The following PRKN variants were observed in gnomAD, a reference collection of about 807,000 sequenced individuals.
PRKN encodes parkin RBR E3 ubiquitin protein ligase.
PRKN carries 56 observed loss-of-function variants against 59.5 expected under a neutral mutation model. That is an observed-to-expected ratio of 0.94 (90% confidence interval 0.76 to 1.18). PRKN has a LOEUF of 1.18. Ranked by LOEUF, PRKN falls within the 50% of genes most tolerant of loss-of-function variation. The pLI, the probability that PRKN is intolerant of heterozygous loss-of-function variation, is 0.00. For missense variants in PRKN, 657 were observed against 596.4 expected, an observed-to-expected ratio of 1.10 and a Z score of -1.06; for synonymous variants, 250 against 222.1, an observed-to-expected ratio of 1.13 and a Z score of -1.12.
intron 7 of PRKN, among the ~76,000 whole-genome samples, chr6:161,693,831 T>C (rs1785905923): frequency 6.6e-6 from 1 of 152,192 alleles, no homozygotes; most frequent in South Asian, 2.1e-4. Context: ...TGGATAAATA[T>C]TAGTCTAATG....
intron 1 of PRKN, among the ~76,000 whole-genome samples, chr6:162,685,200 C>G (rs897215460): frequency 6.6e-6 from 1 of 152,062 alleles, no homozygotes; most frequent in Non-Finnish European, 1.5e-5. Context: ...AATTATGCCA[C>G]GAAGCATGTT....
chr6:162,075,433 C>A (rs111714198), intron 4 of PRKN, among the ~76,000 whole-genome samples: 28 of 151,632 alleles, frequency 1.8e-4, no homozygotes, highest in African/African-American at 5.6e-4. Context: ...AGTACTCTAA[C>A]TCCCCACATA....
At chr6:162,632,726 G>C (rs1777546329) in intron 1 of PRKN, among the ~76,000 whole-genome samples, 1 of 151,984 alleles carries the variant, frequency 6.6e-6, no homozygotes. Flanking sequence ...AACAGAAGTA[G>C]GTAGAAAAGA....
chr6:161,455,148 C>T (rs531557706), intron 9 of PRKN, among the ~76,000 whole-genome samples: 27 of 151,724 alleles, frequency 1.8e-4, no homozygotes, highest in Non-Finnish European at 3.8e-4. Flanking sequence ...AAGCAATGCT[C>T]CTGCCTCAGC....
At chr6:161,798,072 G>A (rs1474012127) in intron 6 of PRKN, among the ~76,000 whole-genome samples, 9 of 152,128 alleles carry the variant, frequency 5.9e-5, no homozygotes, top group African/African-American at 7.2e-5. Context: ...GTGGTGGCAC[G>A]CACCTGTAGT....
Position 161,801,112 on chromosome 6 carries a change from G to A in PRKN, c.735-15204C>T, listed in dbSNP as rs376890983. 2.3e-3 allele frequency among the ~76,000 whole-genome samples: 350 copies of A among 152,236 alleles called. 8 individuals are homozygous for A. The South Asian group carries it at 0.038, about 17-fold the overall frequency. On this transcript the variant is annotated intron_variant, in intron 6 of 11. Coordinates refer to ENST00000366898, the MANE Select transcript of PRKN (RefSeq NM_004562.3). ...ACGGGAGGAAACGGAGGCCTAGGGC[G>A]CTATCAAACACCCACTGTCCACAGC...
chr6:162,079,508 A>G (rs1430070800), intron 4 of PRKN, among the ~76,000 whole-genome samples: 1 of 152,070 alleles, frequency 6.6e-6, no homozygotes, highest in Non-Finnish European at 1.5e-5. Context: ...GTTCTCTCAA[A>G]TGTATTCACA....
chr6:162,303,033 T>A (rs1782038050), intron 2 of PRKN, among the ~76,000 whole-genome samples: 1 of 150,004 alleles, frequency 6.7e-6, no homozygotes, highest in South Asian at 2.1e-4. Flanking sequence ...AGCAGTTACG[T>A]GACTTTTGGA....
intron 6 of PRKN, among the ~76,000 whole-genome samples, chr6:161,926,117 C>T (rs553493315): frequency 8.7e-4 from 133 of 152,188 alleles, no homozygotes; most frequent in African/African-American, 3.0e-3. Flanking sequence ...TTGAAAGTTA[C>T]GGAGAGTCTA....
chr6:162,443,501 A>G, intron 1 of PRKN, 28 bp from the exon 2 acceptor site: 2 of 1,611,006 alleles, frequency 1.2e-6, no homozygotes, highest in Non-Finnish European at 1.7e-6. Context: ...AAGGGAGAAG[A>G]GAAAGTGAGC....
chr6:161,651,607 C>G (rs1054184499), intron 7 of PRKN, among the ~76,000 whole-genome samples: 1 of 152,180 alleles, frequency 6.6e-6, no homozygotes, highest in African/African-American at 2.4e-5. Context: ...GCCTAACCCA[C>G]CGCCCTATCC....
chr6:161,984,104 G>C (rs78306103), intron 5 of PRKN, among the ~76,000 whole-genome samples: 13,805 of 151,944 alleles, frequency 0.091, 749 homozygotes, highest in African/African-American at 0.14. Flanking sequence ...AGTAAAACAG[G>C]CTCATACATG....
intron 5 of PRKN, among the ~76,000 whole-genome samples, chr6:162,008,133 G>C (rs910655646): frequency 6.6e-6 from 1 of 152,192 alleles, no homozygotes; most frequent in Non-Finnish European, 1.5e-5. Flanking sequence ...GGAAAGCTGA[G>C]CTGCAAAGTT....
intron 8 of PRKN, among the ~76,000 whole-genome samples, chr6:161,557,666 GAAGAA>G (rs771525763): frequency 1.3e-5 from 2 of 152,162 alleles, no homozygotes; most frequent in Admixed American, 6.6e-5. Context: ...CATAGAAAAA[GAAGAA>G]AAGAATCTAA....
In PRKN at chr6:161,691,924, A is replaced by G. The variant is rs1410879608; in HGVS notation, c.871+93848T>C. 4.6e-5 allele frequency among the ~76,000 whole-genome samples: 7 copies of G among 151,460 alleles called. No individual in the cohort carries two copies. In the South Asian group the frequency reaches 1.0e-3, roughly 23 times the overall value. ...AGACTTAGCGAGTGGGCAAACAGCA[A>G]AGACAGAAACTGTGATGACACTGTC... On this transcript the variant is annotated intron_variant, in intron 7 of 11. Coordinates refer to ENST00000366898, the MANE Select transcript of PRKN (RefSeq NM_004562.3).
intron 1 of PRKN, among the ~76,000 whole-genome samples, chr6:162,524,712 C>CTAGCCTTTTT (rs1562355623): frequency 3.3e-5 from 5 of 152,148 alleles, no homozygotes; most frequent in African/African-American, 1.2e-4. Context: ...GGAAGACTAA[C>CTAGCCTTTTT]TAGTTTGAGG....
Position 161,561,539 on chromosome 6 carries a change from T to A in PRKN, c.933+7816A>T, listed in dbSNP as rs1160904077. On this transcript the variant is annotated intron_variant, in intron 8 of 11. Coordinates refer to ENST00000366898, the MANE Select transcript of PRKN (RefSeq NM_004562.3). The surrounding 1 kb of genome is among the most constrained non-coding windows in gnomAD (Gnocchi z 5.0). Reference sequence around the variant, plus strand: ...TGGAGCCATCATACTGCATCTCTCCTCTTCACATCCCTGCAACTATGAACA... The same window carrying A: ...TGGAGCCATCATACTGCATCTCTCCACTTCACATCCCTGCAACTATGAACA... 2.0e-5 allele frequency among the ~76,000 whole-genome samples: 3 copies of A among 152,132 alleles called. No individual in the cohort carries two copies. Among genetic ancestry groups the A allele is most frequent in the Admixed American group, 6.5e-5 (1 of 15,278 alleles).
At chr6:162,721,116 G>T (rs1273799408) in intron 1 of PRKN, among the ~76,000 whole-genome samples, 2 of 152,176 alleles carry the variant, frequency 1.3e-5, no homozygotes, top group Non-Finnish European at 2.9e-5. Context: ...ATCTCCTACT[G>T]CACAATTACC....
intron 6 of PRKN, among the ~76,000 whole-genome samples, chr6:161,959,773 T>C (rs1168823260): frequency 6.6e-6 from 1 of 152,172 alleles, no homozygotes; most frequent in Non-Finnish European, 1.5e-5. Context: ...GTGATTTAGA[T>C]TTGTGTACAG....
Sources: allele counts gnomAD v4.1 joint callset (sites outside exome capture counted in the v4.1 genomes callset), GRCh38; gene constraint gnomAD v4.1.1; non-coding constraint Gnocchi (gnomAD v3.1); transcripts MANE v1.5; gene names NCBI Gene and HGNC (gene_info 2026-07-23, HGNC 2026-07-21).